FGF14: variants seen among roughly 807,000 people sequenced by gnomAD.
FGF14 encodes the protein fibroblast growth factor 14.
A neutral mutation model predicts 25.5 loss-of-function variants in FGF14; 5 were observed. The ratio of observed to expected loss-of-function variants is 0.20; its 90% CI spans 0.10 to 0.41. The LOEUF is 0.41. Ranked by LOEUF, FGF14 falls within the 10% of genes least tolerant of loss-of-function variation. The pLI, the probability that FGF14 is intolerant of heterozygous loss-of-function variation, is 1.00. For synonymous variants in FGF14, 138 were observed against 118.3 expected (o/e 1.17, Z -1.08); for missense variants, 222 against 320.1 (o/e 0.69, Z 2.34).
At chr13:102,241,659 C>A (rs2051608052) in intron 1 of FGF14, among the ~76,000 whole-genome samples, 1 of 151,946 alleles carries the variant, frequency 6.6e-6, no homozygotes, top group Non-Finnish European at 1.5e-5. Flanking sequence ...TATTTTTTTC[C>A]ATTATTAAAA....
chr13:101,938,131 T>C (rs1036890726), intron 1 of FGF14, among the ~76,000 whole-genome samples: 1 of 152,208 alleles, frequency 6.6e-6, no homozygotes, highest in African/African-American at 2.4e-5. Context: ...GCTGCCTGCA[T>C]TGACATCAGT....
intron 1 of FGF14, among the ~76,000 whole-genome samples, chr13:102,055,748 T>C (rs2042401279): frequency 6.6e-6 from 1 of 152,212 alleles, no homozygotes; most frequent in African/African-American, 2.4e-5. Context: ...TGCCTATTTT[T>C]GCAAATAAAG....
chr13:102,316,934 A>C (rs553941336), intron 1 of FGF14, among the ~76,000 whole-genome samples: 125 of 152,232 alleles, frequency 8.2e-4, no homozygotes, highest in African/African-American at 3.0e-3. Context: ...AGTAGCTCTG[A>C]CATGCAGTAA....
At chr13:102,085,002 A>G (rs574403689) in intron 1 of FGF14, among the ~76,000 whole-genome samples, 1 of 152,356 alleles carries the variant, frequency 6.6e-6, no homozygotes, top group Non-Finnish European at 1.5e-5. Flanking sequence ...TTATCATTTG[A>G]CTGTCCCTGA....
chr13:102,251,621 G>C (rs1288436785), intron 1 of FGF14, among the ~76,000 whole-genome samples: 1 of 152,152 alleles, frequency 6.6e-6, no homozygotes, highest in African/African-American at 2.4e-5. Context: ...CGAGTTCTGA[G>C]CCTATGGGAT....
In FGF14 at chr13:102,095,376, G is replaced by A. The variant is rs528195350; in HGVS notation, c.209-220080C>T. On this transcript the variant is annotated intron_variant, in intron 1 of 4. Transcript: ENST00000376131. ...TTTGGCAGAAGGGTTCCAATTATCC[G>A]AGATTCCTTTTGACTTCTTTTACGA... 6.6e-5 allele frequency among the ~76,000 whole-genome samples: 10 copies of A among 152,202 alleles called. No individual in the cohort carries two copies. The South Asian group carries it at 1.9e-3, about 28-fold the overall frequency.
At chr13:102,025,544 G>A (rs1316121350) in intron 1 of FGF14, among the ~76,000 whole-genome samples, 4 of 151,910 alleles carry the variant, frequency 2.6e-5, no homozygotes, top group African/African-American at 7.3e-5. Context: ...GAGTAGCTGG[G>A]ACTACAGGTG....
intron 3 of FGF14, among the ~76,000 whole-genome samples, chr13:101,785,935 C>T (rs1246529231): frequency 6.6e-6 from 1 of 152,192 alleles, no homozygotes. Context: ...TTCATTGTCA[C>T]CTGCCAGGAA....
chr13:102,071,676 T>C (rs1037001432), intron 1 of FGF14, among the ~76,000 whole-genome samples: 24 of 152,210 alleles, frequency 1.6e-4, no homozygotes, highest in African/African-American at 5.5e-4. Flanking sequence ...TCTTTTTCCA[T>C]TGATGGTAGA....
chr13:101,948,391 T>C (rs11069469), intron 1 of FGF14, among the ~76,000 whole-genome samples: 49,375 of 151,554 alleles, frequency 0.33, 8,735 homozygotes, highest in East Asian at 0.72. Context: ...ATAGATGTGG[T>C]TGAAATAGGT....
At position 102,062,356 on chromosome 13, in the gene FGF14, A is replaced by T. The variant is rs143315483; in HGVS notation, c.209-187060T>A. Among the ~76,000 whole-genome samples, 345 of 152,230 alleles carry T rather than the reference A, an allele frequency of 2.3e-3. 1 individual carries two copies. Among genetic ancestry groups the T allele is most frequent in the African/African-American group, 8.0e-3 (334 of 41,580 alleles). On this transcript the variant is annotated intron_variant, in intron 1 of 4. Coordinates refer to the FGF14 transcript ENST00000376131. ...AAATGTAATATATGAGGCATTGAAA[A>T]CAAAAAGAAAAAAATAAAATAAGCC...
intron 1 of FGF14, among the ~76,000 whole-genome samples, chr13:101,898,425 T>C (rs1328449225): frequency 2.0e-5 from 3 of 151,164 alleles, no homozygotes; most frequent in Non-Finnish European, 4.4e-5. Context: ...CGTCACAGAT[T>C]TTATTAAAAC....
intron 1 of FGF14, among the ~76,000 whole-genome samples, chr13:101,929,184 C>G (rs1656510769): frequency 1.3e-5 from 2 of 152,182 alleles, no homozygotes; most frequent in Admixed American, 1.3e-4. Context: ...GCCTAAGTGT[C>G]TCAGATGCTG....
intron 1 of FGF14, among the ~76,000 whole-genome samples, chr13:102,127,701 T>C (rs931561834): frequency 6.6e-6 from 1 of 152,222 alleles, no homozygotes; most frequent in Non-Finnish European, 1.5e-5. Flanking sequence ...GATCCTAGAT[T>C]CCTTCTAGGA....
At chr13:101,886,195 C>T (rs544154620) in intron 1 of FGF14, among the ~76,000 whole-genome samples, 3 of 152,176 alleles carry the variant, frequency 2.0e-5, no homozygotes, top group African/African-American at 7.2e-5. Context: ...TATATGATGT[C>T]ACTGGCCAAG....
At chr13:101,785,147 T>C (rs1229307902) in intron 3 of FGF14, among the ~76,000 whole-genome samples, 1 of 152,172 alleles carries the variant, frequency 6.6e-6, no homozygotes, top group African/African-American at 2.4e-5. Context: ...CAAATGTACA[T>C]ATAATGCATA....
At chr13:102,092,106 G>A (rs1466058858) in intron 1 of FGF14, among the ~76,000 whole-genome samples, 2 of 152,172 alleles carry the variant, frequency 1.3e-5, no homozygotes, top group African/African-American at 2.4e-5. Context: ...CCATTGCTAG[G>A]TTCAAAAATG....
chr13:101,991,549 A>G (rs979538712), intron 1 of FGF14, among the ~76,000 whole-genome samples: 30 of 152,126 alleles, frequency 2.0e-4, no homozygotes, highest in African/African-American at 6.8e-4. Context: ...TCGTAACAAG[A>G]AAAAGGCTGG....
intron 3 of FGF14, among the ~76,000 whole-genome samples, 186 bp from the exon 4 acceptor site, chr13:101,726,996 CCTA>C (rs1314814462): frequency 3.3e-5 from 5 of 151,944 alleles, no homozygotes; most frequent in Admixed American, 6.6e-5. Context: ...TTGAGAAGAA[CCTA>C]CTATTATTGA....
Sources: gnomAD v4.1 joint callset for allele counts (sites outside exome capture counted in the v4.1 genomes callset) on GRCh38, gnomAD v4.1.1 for gene constraint, MANE v1.5 for transcripts, NCBI Gene and HGNC (gene_info 2026-07-23, HGNC 2026-07-21) for gene names.